PACRG: variants seen among roughly 807,000 people sequenced by gnomAD.
PACRG encodes parkin coregulated gene protein.
Under a neutral mutation model 29.7 loss-of-function variants are expected in PACRG, and 29 were observed. That is an observed-to-expected ratio of 0.98 (90% confidence interval 0.73 to 1.33). The LOEUF is 1.33. Among genes scored for constraint, PACRG ranks in the 40% most tolerant of loss-of-function variants. The probability of loss-of-function intolerance (pLI) is 0.00; values close to 1 mark genes in which losing one functional copy is unlikely to be tolerated. For synonymous variants in PACRG, 116 were observed against 118.7 expected (o/e 0.98, Z 0.15); for missense variants, 279 against 316.2 (o/e 0.88, Z 0.89).
At chr6:163,138,215 T>A (rs765482983) in intron 4 of PACRG, among the ~76,000 whole-genome samples, 16 of 152,240 alleles carry the variant, frequency 1.1e-4, no homozygotes, top group Non-Finnish European at 1.5e-4. Flanking sequence ...TAAATGTTGT[T>A]TTGTTTAACA....
chr6:162,981,240 T>A (rs1015933497), intron 2 of PACRG, among the ~76,000 whole-genome samples: 2 of 151,188 alleles, frequency 1.3e-5, no homozygotes, highest in Admixed American at 1.3e-4. Flanking sequence ...GGCTGAGTAG[T>A]ATTCCATGGT....
At chr6:163,277,994 A>C (rs1331264800) in intron 4 of PACRG, among the ~76,000 whole-genome samples, 1 of 152,070 alleles carries the variant, frequency 6.6e-6, no homozygotes, top group African/African-American at 2.4e-5. Flanking sequence ...CCATACCAGC[A>C]TCTATTATTT....
At chr6:162,851,695 C>G (rs1345334123) in intron 2 of PACRG, among the ~76,000 whole-genome samples, 1 of 151,960 alleles carries the variant, frequency 6.6e-6, no homozygotes, top group East Asian at 1.9e-4. Flanking sequence ...TTTCACTCTC[C>G]TCTCAGAATG....
At chr6:163,164,948 G>T (rs1442970886) in intron 4 of PACRG, among the ~76,000 whole-genome samples, 1 of 151,118 alleles carries the variant, frequency 6.6e-6, no homozygotes, top group East Asian at 2.0e-4. Flanking sequence ...AAAGATGCTG[G>T]ACAAGGGTTT....
chr6:163,161,760 G>T (rs747405129), intron 4 of PACRG, among the ~76,000 whole-genome samples: 1 of 152,074 alleles, frequency 6.6e-6, no homozygotes, highest in African/African-American at 2.4e-5. Flanking sequence ...CTCTGACATC[G>T]GGGTTCAAGT....
At chr6:163,026,968 A>C (rs1807189858) in intron 2 of PACRG, among the ~76,000 whole-genome samples, 1 of 152,350 alleles carries the variant, frequency 6.6e-6, no homozygotes, top group Admixed American at 6.5e-5. Flanking sequence ...ATTGTTCATC[A>C]GTTCTGAGCA....
rs551216849 is a variant in PACRG at position 163,015,317 on chromosome 6, C to A, written c.292-46833C>A. 2.6e-5 allele frequency among the ~76,000 whole-genome samples: 4 copies of A among 152,154 alleles called. No homozygotes were observed. In the South Asian group the frequency reaches 8.3e-4, roughly 32 times the overall value. On this transcript the variant is annotated intron_variant, in intron 2 of 4. Coordinates refer to ENST00000366888, the MANE Select transcript of PACRG (RefSeq NM_001080379.2). ...GGTTTGTTCTTTTTGTTTAGGATTGCTTTGGCTATTCGGCCTCATTTCTGG... is the reference window on the plus strand; with the variant it reads ...GGTTTGTTCTTTTTGTTTAGGATTGATTTGGCTATTCGGCCTCATTTCTGG...
At chr6:163,126,077 T>A (rs1432335580) in intron 4 of PACRG, among the ~76,000 whole-genome samples, 1 of 152,190 alleles carries the variant, frequency 6.6e-6, no homozygotes, top group African/African-American at 2.4e-5. Flanking sequence ...ACAAAAACAC[T>A]TACGTATATC....
intron 4 of PACRG, among the ~76,000 whole-genome samples, chr6:163,201,131 A>G (rs1339405576): frequency 6.9e-6 from 1 of 145,550 alleles, no homozygotes; most frequent in Non-Finnish European, 1.5e-5. Context: ...AAAGCTAACG[A>G]GACGGAAACA....
At chr6:162,761,999 T>A (rs1299638985) in intron 1 of PACRG, among the ~76,000 whole-genome samples, 2 of 121,222 alleles carry the variant, frequency 1.6e-5, no homozygotes, top group Non-Finnish European at 1.7e-5. Flanking sequence ...TAAATTTACA[T>A]GTTATAAAGT....
At chr6:162,797,530 A>G (rs1281331561) in intron 1 of PACRG, among the ~76,000 whole-genome samples, 1 of 152,208 alleles carries the variant, frequency 6.6e-6, no homozygotes, top group Non-Finnish European at 1.5e-5. Flanking sequence ...GTTCACTAAT[A>G]TATGTCATTG....
intron 1 of PACRG, among the ~76,000 whole-genome samples, chr6:162,761,235 T>C (rs1477799925): frequency 6.6e-6 from 1 of 152,228 alleles, no homozygotes; most frequent in African/African-American, 2.4e-5. Flanking sequence ...TGAGTCCAAC[T>C]CTGCTTATCC....
intron 2 of PACRG, among the ~76,000 whole-genome samples, chr6:162,818,751 C>T: frequency 6.6e-6 from 1 of 152,260 alleles, no homozygotes; most frequent in East Asian, 1.9e-4. Flanking sequence ...TCCATGATAA[C>T]GTGCTACGTG....
intron 2 of PACRG, among the ~76,000 whole-genome samples, chr6:163,035,475 C>T (rs537595077): frequency 4.6e-5 from 7 of 152,042 alleles, no homozygotes; most frequent in Admixed American, 1.3e-4. Flanking sequence ...GGTGAAATTC[C>T]GTCTCTACTA....
intron 3 of PACRG, among the ~76,000 whole-genome samples, chr6:163,069,451 A>G (rs1811846638): frequency 1.3e-5 from 2 of 152,118 alleles, no homozygotes; most frequent in South Asian, 4.1e-4. Context: ...TAAATTTAAC[A>G]AACAGATCCA....
chr6:163,115,667 A>G (rs564322804), intron 4 of PACRG, among the ~76,000 whole-genome samples: 21 of 152,274 alleles, frequency 1.4e-4, no homozygotes, highest in South Asian at 6.2e-4. Flanking sequence ...TGCGATTGCA[A>G]TGTGAAGTCA....
At chr6:162,895,238 C>A (rs1481120171) in intron 2 of PACRG, among the ~76,000 whole-genome samples, 1 of 141,416 alleles carries the variant, frequency 7.1e-6, no homozygotes, top group East Asian at 2.0e-4. Context: ...CCACCGCACT[C>A]CAGTCTGGGT....
intron 4 of PACRG, among the ~76,000 whole-genome samples, chr6:163,277,905 T>A (rs1784103213): frequency 6.6e-6 from 1 of 152,094 alleles, no homozygotes; most frequent in African/African-American, 2.4e-5. Context: ...CTTTAAGGAA[T>A]CTCCACACTA....
chr6:163,033,619 A>C (rs915438372), intron 2 of PACRG, among the ~76,000 whole-genome samples: 2 of 152,242 alleles, frequency 1.3e-5, no homozygotes, highest in African/African-American at 4.8e-5. Flanking sequence ...CAATTAATTA[A>C]AGCTCTTTCA....
Sources: allele counts gnomAD v4.1 joint callset (sites outside exome capture counted in the v4.1 genomes callset), GRCh38; gene constraint gnomAD v4.1.1; transcripts MANE v1.5; gene names NCBI Gene and HGNC (gene_info 2026-07-23, HGNC 2026-07-21).